The following TP63 variants were observed in gnomAD, a reference collection of about 807,000 sequenced individuals.
TP63 encodes the protein tumor protein 63.
Under a neutral mutation model 82.8 loss-of-function variants are expected in TP63, and 17 were observed. That is an observed-to-expected ratio of 0.21 (90% CI 0.14 to 0.31). The LOEUF is 0.31. TP63 is among the 10% of genes least tolerant of loss of function. TP63 has a pLI of 1.00. For missense variants in TP63, 648 were observed against 895.3 expected, an observed-to-expected ratio of 0.72 and a Z score of 3.52; for synonymous variants, 330 against 321.7, an observed-to-expected ratio of 1.03 and a Z score of -0.28.
chr3:189,858,510 C>A (rs1338101299), intron 4 of TP63, among the ~76,000 whole-genome samples: 1 of 152,076 alleles, frequency 6.6e-6, no homozygotes, highest in Non-Finnish European at 1.5e-5. Context: ...CATAGTGGCT[C>A]ATGCCTGTAA....
chr3:189,715,441 ATCTC>A (rs1718890142), intron 1 of TP63, among the ~76,000 whole-genome samples: 1 of 152,216 alleles, frequency 6.6e-6, no homozygotes, highest in African/African-American at 2.4e-5. Context: ...TCCAGATTTG[ATCTC>A]TCTAAGAATG....
At chr3:189,613,517 T>G in the TP63 span, among the ~76,000 whole-genome samples, 217 of 152,344 alleles carry the variant, frequency 1.4e-3, 1 homozygote, top group Non-Finnish European at 2.5e-3. Flanking sequence ...GCTTGGGCAG[T>G]GCAGAAGGGA....
In TP63 at chr3:189,894,336, TCAGTGTGGGCTC is replaced by T; in HGVS notation, c.1883_1894del (p.Val628_Ser631del). 1 of 1,613,770 alleles carries T rather than the reference TCAGTGTGGGCTC, an allele frequency of 6.2e-7. No individual in the cohort carries two copies. The highest frequency in any genetic ancestry group is 1.7e-4 in the Middle Eastern group (1 of 6,058). The stretch of plus-strand genomic sequence containing the variant: ...CGGACCCCAAGCAGTGCCTCTACAG[TCAGTGTGGGCTC>T]CAGTGAGACCCGGGGTGAGCGTGTT... On this transcript the variant is annotated inframe_deletion, in exon 14 of 14. Transcript: ENST00000264731.
intron 4 of TP63, among the ~76,000 whole-genome samples, chr3:189,852,859 C>G (rs1715822169): frequency 6.6e-6 from 1 of 152,148 alleles, no homozygotes; most frequent in Non-Finnish European, 1.5e-5. Flanking sequence ...CTCCTTCCCC[C>G]ATCCCATCTA....
chr3:189,867,752 C>T (rs1717910657), intron 6 of TP63, 81 bp from the exon 7 acceptor site: 3 of 1,298,016 alleles, frequency 2.3e-6, no homozygotes, highest in Non-Finnish European at 3.3e-6. Context: ...AGTGGAATTC[C>T]TTAAATAGAG....
rs1034451378 is a variant in TP63, at chr3:189,885,252, CTG to C, written c.1350-1140_1350-1139del. Among the ~76,000 whole-genome samples, 6 of 151,936 alleles carry C rather than the reference CTG, an allele frequency of 3.9e-5. No homozygotes were observed. In the East Asian group the frequency reaches 5.8e-4, roughly 15 times the overall value. ...TAATTCAGTGTAGATGCTGCATAGT[CTG>C]TACATTTCTTCCTCATCTTCTCTTT... On this transcript the variant is annotated intron_variant, in intron 10 of 13. Coordinates refer to ENST00000264731, the MANE Select transcript of TP63 (RefSeq NM_003722.5).
At chr3:189,606,820 A>G in the TP63 span, among the ~76,000 whole-genome samples, 2 of 152,016 alleles carry the variant, frequency 1.3e-5, no homozygotes, top group South Asian at 2.1e-4. Flanking sequence ...CAACCCCGCA[A>G]TGATCTCTTA....
intron 1 of TP63, 73 bp downstream of exon 1, chr3:189,631,650 G>A: frequency 1.2e-6 from 2 of 1,608,828 alleles, no homozygotes; most frequent in Middle Eastern, 1.7e-4. Flanking sequence ...TGTGTCAGCT[G>A]TGTACAAAGA....
intron 4 of TP63, among the ~76,000 whole-genome samples, chr3:189,812,708 T>G (rs1463961579): frequency 1.3e-5 from 2 of 152,182 alleles, no homozygotes; most frequent in African/African-American, 4.8e-5. Flanking sequence ...TAAACATACC[T>G]ATTAGCACCT....
chr3:189,862,829 T>G (rs1228122319), intron 4 of TP63, among the ~76,000 whole-genome samples: 1 of 152,204 alleles, frequency 6.6e-6, no homozygotes. Context: ...TTTGGCATGT[T>G]TCCTATTTCT....
At chr3:189,644,924 T>C (rs1712264299) in intron 1 of TP63, among the ~76,000 whole-genome samples, 1 of 152,092 alleles carries the variant, frequency 6.6e-6, no homozygotes, top group Admixed American at 6.6e-5. Flanking sequence ...TTTTTTTTTT[T>C]TTATGGTGAA....
intron 1 of TP63, among the ~76,000 whole-genome samples, chr3:189,697,232 A>AATT (rs146092678): frequency 1.4e-3 from 32 of 22,398 alleles, no homozygotes; most frequent in African/African-American, 2.5e-3. Context: ...GTCTAGGTTC[A>AATT]GTTTTTTTTT....
At chr3:189,881,084 G>A (rs1719861409) in intron 10 of TP63, 2 of 985,194 alleles carry the variant, frequency 2.0e-6, no homozygotes, top group African/African-American at 3.5e-5. Flanking sequence ...CAAAATCTGT[G>A]ATTAATTTGC....
At chr3:189,741,629 A>T (rs866524439) in intron 3 of TP63, among the ~76,000 whole-genome samples, 8 of 152,232 alleles carry the variant, frequency 5.3e-5, no homozygotes, top group African/African-American at 1.9e-4. Context: ...ATATGAACTT[A>T]TAGACATGAA....
chr3:189,637,104 C>A (rs1161638383), intron 1 of TP63, among the ~76,000 whole-genome samples: 1 of 151,970 alleles, frequency 6.6e-6, no homozygotes, highest in African/African-American at 2.4e-5. Flanking sequence ...CACACACACA[C>A]TCACAATGGG....
intron 1 of TP63, among the ~76,000 whole-genome samples, chr3:189,717,080 G>A (rs1330879536): frequency 2.6e-5 from 4 of 152,266 alleles, no homozygotes; most frequent in South Asian, 4.2e-4. Flanking sequence ...TTACAGGAGT[G>A]AGTCACTGCA....
chr3:189,617,204 C>T, the TP63 span, among the ~76,000 whole-genome samples: 2 of 152,196 alleles, frequency 1.3e-5, no homozygotes, highest in Admixed American at 6.5e-5. Flanking sequence ...TTTGCCCTGC[C>T]TGATCAGCAT....
At chr3:189,810,570 C>G (rs949805787) in intron 4 of TP63, among the ~76,000 whole-genome samples, 4 of 152,174 alleles carry the variant, frequency 2.6e-5, no homozygotes, top group Admixed American at 2.6e-4. Context: ...ATATAGAAAT[C>G]TTAAAAGCCG....
chr3:189,778,078 G>T (rs987956558), intron 3 of TP63, among the ~76,000 whole-genome samples: 3 of 151,956 alleles, frequency 2.0e-5, no homozygotes, highest in Non-Finnish European at 4.4e-5. Flanking sequence ...TCCAGCCATG[G>T]CTGGTCTCGA....
Sources: allele counts gnomAD v4.1 joint callset (sites outside exome capture counted in the v4.1 genomes callset), GRCh38; gene constraint gnomAD v4.1.1; transcripts MANE v1.5; gene names NCBI Gene and HGNC (gene_info 2026-07-23, HGNC 2026-07-21).